The following ADGRF1 variants were observed in gnomAD, a reference collection of about 807,000 sequenced individuals.
ADGRF1 encodes adhesion G protein-coupled receptor F1, also known as G protein-coupled receptor 110.
Under a neutral mutation model 87.2 loss-of-function variants are expected in ADGRF1, and 85 were observed. That is an observed-to-expected ratio of 0.97 (90% CI 0.82 to 1.17). The LOEUF (loss-of-function observed/expected upper bound fraction) is 1.17, where lower values mean the gene tolerates loss of function less well. ADGRF1 is among the 50% of genes most tolerant of loss of function. The pLI, the probability that ADGRF1 is intolerant of heterozygous loss-of-function variation, is 0.00. For synonymous variants in ADGRF1, 430 were observed against 408.8 expected (o/e 1.05, Z -0.63); for missense variants, 1,169 against 1,077.2 (o/e 1.09, Z -1.19).
chr6:47,000,851 G>T (rs1779342876), intron 14 of ADGRF1, among the ~76,000 whole-genome samples: 2 of 152,180 alleles, frequency 1.3e-5, no homozygotes, highest in Admixed American at 1.3e-4. Context: ...TTTCAACTTA[G>T]CTTGTAAGGC....
intron 1 of ADGRF1, among the ~76,000 whole-genome samples, chr6:47,032,753 C>T (rs1037845073): frequency 1.3e-5 from 2 of 152,196 alleles, no homozygotes; most frequent in African/African-American, 2.4e-5. Flanking sequence ...GTATTTCAAC[C>T]TTACCATCAG....
chr6:47,032,971 A>G (rs1267627711), intron 1 of ADGRF1, among the ~76,000 whole-genome samples: 1 of 152,244 alleles, frequency 6.6e-6, no homozygotes, highest in Non-Finnish European at 1.5e-5. Flanking sequence ...GGGTCATCAT[A>G]AATCCCTCTG....
chr6:47,001,447 T>G, intron 14 of ADGRF1, 54 bp downstream of exon 14: 1 of 1,345,228 alleles, frequency 7.4e-7, no homozygotes, highest in Non-Finnish European at 1.1e-6. Flanking sequence ...TCATATGATA[T>G]ACTCATATAC....
chr6:47,000,171 TA>T lies in ADGRF1; in HGVS notation c.*50del. On this transcript the variant is annotated 3_prime_UTR_variant, in exon 15 of 15. Coordinates refer to ENST00000371253, the MANE Select transcript of ADGRF1 (RefSeq NM_153840.4). ...TAATTTCTTCATTGACATTTGTCTC[TA>T]AATGTCAAGTTGTTCTGGAAATTTT... 7.5e-7 allele frequency: 1 copy of T among 1,339,538 alleles called. No homozygotes were observed. The highest frequency in any genetic ancestry group is 1.1e-6 in the Non-Finnish European group (1 of 936,368). 83.0% of individuals were successfully genotyped at this position (1,339,538 alleles called of 1,614,324 possible).
At chr6:47,039,527 T>C (rs1226512) in intron 1 of ADGRF1, among the ~76,000 whole-genome samples, 63,901 of 152,058 alleles carry the variant, frequency 0.42, 13,791 homozygotes, top group Admixed American at 0.51. Flanking sequence ...GGCTTCCCTT[T>C]CTTAGTGGTT....
In ADGRF1 at chr6:46,998,549, G is replaced by T. The variant is rs1779272559; in HGVS notation, c.*1673C>A. 1 of 152,170 alleles carries T rather than the reference G, an allele frequency of 6.6e-6. No individual in the cohort carries two copies. The highest frequency in any genetic ancestry group is 2.1e-4 in the South Asian group (1 of 4,820). 9.4% of individuals were successfully genotyped at this position (152,170 alleles called of 1,614,324 possible). ...TATTCTCAACACAGAACTCATTCAG[G>T]GCTCTACTACCGGAGCTGTGGCCAC... is the stretch of plus-strand genomic sequence containing the variant. On this transcript the variant is annotated 3_prime_UTR_variant, in exon 15 of 15. Coordinates refer to ENST00000371253, the MANE Select transcript of ADGRF1 (RefSeq NM_153840.4).
At chr6:47,014,447 C>T (rs896646834) in intron 9 of ADGRF1, 5 of 1,247,990 alleles carry the variant, frequency 4.0e-6, no homozygotes, top group Non-Finnish European at 5.0e-6. Context: ...AACACCTCTG[C>T]CTGACAAAAC....
chr6:47,021,622 A>G (rs1436915136), intron 6 of ADGRF1, among the ~76,000 whole-genome samples: 1 of 152,162 alleles, frequency 6.6e-6, no homozygotes, highest in African/African-American at 2.4e-5. Context: ...CAGCCTCCCA[A>G]AGTACTGGGA....
chr6:47,012,082 C>T lies in ADGRF1; in HGVS notation c.1041G>A (p.Ser347=), dbSNP rs150392596. 5.5e-4 allele frequency: 886 copies of T among 1,614,084 alleles called. 1 individual carries two copies. The highest frequency in any genetic ancestry group is 4.0e-3 in the Middle Eastern group (24 of 6,062). ...NPSTTVGNLA[S]VVSILSNISS... ...AAATATTGCTCAGAATCGACACCAC[C>T]GAAGCCAGATTCCCCACTGTGGTTG... is the stretch of plus-strand genomic sequence containing the variant. The change falls in exon 10 of 15, where the codon TCG becomes TCA. Residue 347 remains serine, a synonymous_variant. Transcript: ENST00000371253.
intron 7 of ADGRF1, chr6:47,020,182 T>A (rs979644599): frequency 2.6e-6 from 3 of 1,172,258 alleles, no homozygotes; most frequent in Non-Finnish European, 2.1e-6. Flanking sequence ...CCCACAGTTT[T>A]GAGAATGCTT....
chr6:47,010,851 A>AC (rs1349169621), intron 10 of ADGRF1, among the ~76,000 whole-genome samples: 2 of 152,172 alleles, frequency 1.3e-5, no homozygotes, highest in Non-Finnish European at 1.5e-5. Flanking sequence ...TAAAGCCTGA[A>AC]CCCAAGCATT....
intron 1 of ADGRF1, among the ~76,000 whole-genome samples, chr6:47,038,129 G>A (rs1465011278): frequency 1.3e-5 from 2 of 152,198 alleles, no homozygotes; most frequent in Admixed American, 6.5e-5. Flanking sequence ...CAGAAGTGCT[G>A]GGATTACAGG....
At chr6:47,022,989 T>C (rs1013076892) in intron 5 of ADGRF1, among the ~76,000 whole-genome samples, 1 of 151,840 alleles carries the variant, frequency 6.6e-6, no homozygotes, top group African/African-American at 2.4e-5. Context: ...TTTTTGTATT[T>C]TTTGTAGAGA....
At chr6:47,023,190 T>C (rs1387027761) in intron 5 of ADGRF1, among the ~76,000 whole-genome samples, 1 of 152,250 alleles carries the variant, frequency 6.6e-6, no homozygotes, top group Non-Finnish European at 1.5e-5. Context: ...GTCTGGCCTC[T>C]ACAACTAGTC....
intron 10 of ADGRF1, 72 bp from the exon 11 acceptor site, chr6:47,010,390 T>A: frequency 7.9e-7 from 1 of 1,260,134 alleles, no homozygotes; most frequent in Non-Finnish European, 1.1e-6. Context: ...TGGATAGTCA[T>A]TAGCATTAAG....
At chr6:47,019,984 G>T (rs1779994409) in intron 7 of ADGRF1, 2 of 987,606 alleles carry the variant, frequency 2.0e-6, no homozygotes, top group African/African-American at 3.5e-5. Context: ...CTCACCCAAA[G>T]CCCCACTTCT....
intron 4 of ADGRF1, 141 bp downstream of exon 4, chr6:47,025,713 G>A (rs1780208052): frequency 1.3e-6 from 1 of 779,606 alleles, no homozygotes; most frequent in Non-Finnish European, 2.0e-6. Context: ...TGGACATGTA[G>A]CATGAAGAAG....
At chr6:47,003,836 A>T (rs557520978) in intron 13 of ADGRF1, among the ~76,000 whole-genome samples, 1 of 152,240 alleles carries the variant, frequency 6.6e-6, no homozygotes, top group South Asian at 2.1e-4. Flanking sequence ...ATGGCTCATG[A>T]TCCTTAACCC....
chr6:47,020,702 T>C lies in ADGRF1; in HGVS notation c.611+29A>G, dbSNP rs757000452. 1.6e-5 allele frequency: 26 copies of C among 1,609,858 alleles called. No individual in the cohort carries two copies. The Admixed American group carries it at 3.7e-4, about 23-fold the overall frequency. On this transcript the variant is annotated intron_variant, in intron 7 of 14. Coordinates refer to ENST00000371253, the MANE Select transcript of ADGRF1 (RefSeq NM_153840.4). ...CAGAACTGGTGCCCAATTCTGGGGA[T>C]GCCCTTCTAAGACCATTGTGTTACT...
Sources: gnomAD v4.1 joint callset for allele counts (sites outside exome capture counted in the v4.1 genomes callset) on GRCh38, gnomAD v4.1.1 for gene constraint, MANE v1.5 for transcripts, NCBI Gene and HGNC (gene_info 2026-07-23, HGNC 2026-07-21) for gene names.